Variants in TTC39C observed in about 807,000 individuals in gnomAD.
TTC39C encodes tetratricopeptide repeat domain 39C, also known as tetratricopeptide repeat protein 39C.
Under a neutral mutation model 76.3 loss-of-function variants are expected in TTC39C, and 33 were observed. The observed-to-expected ratio is 0.43, with a 90% CI of 0.33 to 0.58. The LOEUF (loss-of-function observed/expected upper bound fraction) is 0.58. Ranked by LOEUF, TTC39C falls within the 20% of genes least tolerant of loss-of-function variation. TTC39C has a pLI of 0.04. For synonymous variants in TTC39C, 254 were observed against 260.6 expected, an observed-to-expected ratio of 0.97 and a Z score of 0.24; for missense variants, 595 against 701.4, an observed-to-expected ratio of 0.85 and a Z score of 1.71.
rs2084165842 is a variant in TTC39C, at chr18:24,066,287, T to G, written c.345+147T>G. On this transcript the variant is annotated intron_variant, in intron 3 of 13. Coordinates refer to ENST00000317571, the MANE Select transcript of TTC39C (RefSeq NM_001135993.2). ...ATGTTTCTTATGGTTTTTGGTTATA[T>G]AAAATGTTATCTCTTATAAAAACAG... 21 of 1,078,302 alleles carry G rather than the reference T, an allele frequency of 1.9e-5. No individual in the cohort carries two copies. The South Asian group carries it at 3.5e-4, about 18-fold the overall frequency. The allele number at this position is 1,078,302 out of a possible 1,614,324, so 66.8% of individuals were successfully genotyped here. A position where few individuals can be genotyped will look rare whatever the true frequency, so the allele number is the denominator to read the frequency against.
At chr18:24,110,598 G>A (rs1234559101) in intron 6 of TTC39C, among the ~76,000 whole-genome samples, 1 of 152,154 alleles carries the variant, frequency 6.6e-6, no homozygotes, top group Non-Finnish European at 1.5e-5. Context: ...CACTCACTTA[G>A]AGAATAAAAT....
intron 1 of TTC39C, among the ~76,000 whole-genome samples, chr18:23,993,873 T>C (rs2083239235): frequency 6.6e-6 from 1 of 152,208 alleles, no homozygotes; most frequent in African/African-American, 2.4e-5. Context: ...GCAAAAATAA[T>C]TGCTTTTAAT....
At chr18:24,011,466 A>G (rs2083393020), upstream of TTC39C, among the ~76,000 whole-genome samples, 4 of 152,322 alleles carry the variant, frequency 2.6e-5, 1 homozygote, top group Admixed American at 2.6e-4. Context: ...CTGAGAATAG[A>G]GCCAATAAAC....
chr18:24,088,757 A>G (rs1172178564), intron 6 of TTC39C, among the ~76,000 whole-genome samples: 3 of 152,166 alleles, frequency 2.0e-5, no homozygotes, highest in Non-Finnish European at 4.4e-5. Flanking sequence ...TTACGTCGCC[A>G]TATTCATGTC....
chr18:24,055,826 C>G lies in TTC39C; in HGVS notation c.168-8314C>G, dbSNP rs978999105. The stretch of plus-strand genomic sequence containing the variant: ...TGTTGCTAAATGCACTGTCATAAAG[C>G]TTTTTTCCAATGGTCTATTAAAACC... On this transcript the variant is annotated intron_variant, in intron 1 of 13. Transcript: ENST00000317571. Among the ~76,000 whole-genome samples, 3 of 152,126 alleles carry G rather than the reference C, an allele frequency of 2.0e-5. No individual in the cohort carries two copies. The South Asian group carries it at 6.2e-4, about 31-fold the overall frequency.
chr18:24,029,614 G>C (rs944650440), intron 1 of TTC39C, among the ~76,000 whole-genome samples: 1 of 152,168 alleles, frequency 6.6e-6, no homozygotes, highest in Middle Eastern at 3.2e-3. Flanking sequence ...CACCCAAGCA[G>C]TGTACACTGT....
At chr18:24,075,760 G>A (rs541854539) in intron 4 of TTC39C, among the ~76,000 whole-genome samples, 1 of 152,032 alleles carries the variant, frequency 6.6e-6, no homozygotes, top group Admixed American at 6.5e-5. Context: ...AATTGCCATG[G>A]GTTAACCAGC....
At chr18:24,079,343 CAGT>C (rs986769861) in intron 4 of TTC39C, among the ~76,000 whole-genome samples, 1 of 152,138 alleles carries the variant, frequency 6.6e-6, no homozygotes, top group African/African-American at 2.4e-5. Flanking sequence ...GAGTGGTCAA[CAGT>C]AGGGTCCTGA....
intron 1 of TTC39C, among the ~76,000 whole-genome samples, chr18:24,004,646 T>C (rs1050584087): frequency 5.9e-5 from 9 of 152,236 alleles, no homozygotes; most frequent in Non-Finnish European, 1.3e-4. Flanking sequence ...CTCTTGTTTT[T>C]AAGGTTAAAA....
intron 6 of TTC39C, among the ~76,000 whole-genome samples, chr18:24,088,230 T>C (rs975565750): frequency 6.6e-6 from 1 of 152,232 alleles, no homozygotes; most frequent in Non-Finnish European, 1.5e-5. Context: ...ATTTCAAAGA[T>C]GGGATTATAA....
chr18:24,005,418 T>A (rs977002918), intron 1 of TTC39C, among the ~76,000 whole-genome samples: 1 of 152,182 alleles, frequency 6.6e-6, no homozygotes, highest in Non-Finnish European at 1.5e-5. Context: ...CCCAGGTATA[T>A]AAAAGCACAG....
intron 6 of TTC39C, among the ~76,000 whole-genome samples, chr18:24,092,329 A>G (rs551804200): frequency 6.6e-6 from 1 of 152,228 alleles, no homozygotes; most frequent in Non-Finnish European, 1.5e-5. Flanking sequence ...TGAGAATGTG[A>G]AATGGTGTGG....
intron 4 of TTC39C, among the ~76,000 whole-genome samples, chr18:24,072,362 C>T (rs539225439): frequency 2.6e-5 from 4 of 151,778 alleles, no homozygotes; most frequent in African/African-American, 7.3e-5. Flanking sequence ...GGCACAATCT[C>T]GGCTCACAGC....
At chr18:24,084,257 G>A (rs1176279114) in intron 6 of TTC39C, among the ~76,000 whole-genome samples, 1 of 152,180 alleles carries the variant, frequency 6.6e-6, no homozygotes, top group South Asian at 2.1e-4. Context: ...GCTGAGGCAG[G>A]TGTATCACCT....
At chr18:24,065,980 C>A (rs1191925880) in intron 2 of TTC39C, 32 bp from the exon 3 acceptor site, 1 of 1,505,192 alleles carries the variant, frequency 6.6e-7, no homozygotes, top group African/African-American at 1.4e-5. Flanking sequence ...GATACTAATT[C>A]ATTCATTCAT....
At position 24,126,880 on chromosome 18, in the gene TTC39C, A is replaced by G. The variant is rs190004998; in HGVS notation, c.1420+1330A>G. Among the ~76,000 whole-genome samples, 619 of 152,306 alleles carry G rather than the reference A, an allele frequency of 4.1e-3. 2 individuals are homozygous for G. The highest frequency in any genetic ancestry group is 0.01 in the Middle Eastern group (3 of 294). Reference sequence around the variant, plus strand: ...CCCTTCCTATTGAAGCAAGCATAGAACATCTATAAATGTCTAACTCAAAGG... The same window carrying G: ...CCCTTCCTATTGAAGCAAGCATAGAGCATCTATAAATGTCTAACTCAAAGG... On this transcript the variant is annotated intron_variant, in intron 10 of 13. Coordinates refer to ENST00000317571, the MANE Select transcript of TTC39C (RefSeq NM_001135993.2).
At chr18:24,096,444 T>C (rs954317387) in intron 6 of TTC39C, among the ~76,000 whole-genome samples, 2 of 152,252 alleles carry the variant, frequency 1.3e-5, no homozygotes, top group African/African-American at 4.8e-5. Context: ...ATTGTTGTTA[T>C]AATGATAGAC....
At chr18:24,107,457 G>C (rs2084758693) in intron 6 of TTC39C, among the ~76,000 whole-genome samples, 1 of 152,118 alleles carries the variant, frequency 6.6e-6, no homozygotes, top group Admixed American at 6.6e-5. Flanking sequence ...ATGTGTCATG[G>C]GAGGGGCCAG....
intron 6 of TTC39C, chr18:24,113,968 G>A (rs1008351702): frequency 2.6e-5 from 11 of 415,310 alleles, no homozygotes; most frequent in Non-Finnish European, 4.0e-5. Context: ...TTGGAGAACA[G>A]CATTCTAGGG....
Sources: allele counts gnomAD v4.1 joint callset (sites outside exome capture counted in the v4.1 genomes callset), GRCh38; gene constraint gnomAD v4.1.1; transcripts MANE v1.5; gene names NCBI Gene and HGNC (gene_info 2026-07-23, HGNC 2026-07-21).